The following PRR16 variants were observed in gnomAD, a reference collection of about 807,000 sequenced individuals.
The protein encoded by PRR16 is protein Largen.
In PRR16, 6 loss-of-function variants were observed where a neutral mutation model predicts 18.2. The observed-to-expected ratio is 0.33, with a 90% CI of 0.18 to 0.65. The LOEUF is 0.65. PRR16 is among the 30% of genes least tolerant of loss of function. The pLI is 0.74. For synonymous variants in PRR16, 151 were observed against 147.8 expected, an observed-to-expected ratio of 1.02 and a Z score of -0.16; for missense variants, 412 against 376.6, an observed-to-expected ratio of 1.09 and a Z score of -0.78.
At chr5:120,767,337 G>A in the PRR16 span, among the ~76,000 whole-genome samples, 82 of 151,952 alleles carry the variant, frequency 5.4e-4, no homozygotes, top group East Asian at 9.1e-3. Flanking sequence ...GTTTTGTCAT[G>A]CCCAAATCAA....
intron 1 of PRR16, among the ~76,000 whole-genome samples, chr5:120,469,722 A>C (rs1216966278): frequency 6.6e-6 from 1 of 152,170 alleles, no homozygotes; most frequent in East Asian, 1.9e-4. Flanking sequence ...ACTTTATACC[A>C]CAGTCTACCT....
chr5:120,591,670 A>G (rs1428232006), intron 1 of PRR16, among the ~76,000 whole-genome samples: 4 of 152,108 alleles, frequency 2.6e-5, no homozygotes, highest in Non-Finnish European at 4.4e-5. Flanking sequence ...AATTATTTGT[A>G]TAATTACTTT....
the PRR16 span, among the ~76,000 whole-genome samples, chr5:120,791,040 T>C: frequency 6.6e-6 from 1 of 152,220 alleles, no homozygotes; most frequent in South Asian, 2.1e-4. Flanking sequence ...CACTAAGCAT[T>C]TGTGTTGAAC....
At chr5:120,732,558 C>T in the PRR16 span, among the ~76,000 whole-genome samples, 2 of 152,124 alleles carry the variant, frequency 1.3e-5, no homozygotes, top group African/African-American at 4.8e-5. Context: ...GAAACTATAA[C>T]TATGTTTTTA....
chr5:120,669,961 G>C (rs892791577), intron 1 of PRR16, among the ~76,000 whole-genome samples: 1 of 151,590 alleles, frequency 6.6e-6, no homozygotes, highest in Non-Finnish European at 1.5e-5. Context: ...AAGGTTTTAG[G>C]GTATAATTAC....
the PRR16 span, among the ~76,000 whole-genome samples, chr5:120,768,322 A>C: frequency 1.2e-3 from 176 of 151,904 alleles, 1 homozygote; most frequent in Non-Finnish European, 2.2e-3. Context: ...ATTGTAATTT[A>C]TTCGTTATTT....
chr5:120,674,156 T>C (rs1756713621), intron 1 of PRR16, among the ~76,000 whole-genome samples: 1 of 152,190 alleles, frequency 6.6e-6, no homozygotes, highest in South Asian at 2.1e-4. Context: ...CCATGTGTGG[T>C]ACTGATATGC....
At chr5:120,519,260 A>G (rs182111476) in intron 1 of PRR16, among the ~76,000 whole-genome samples, 1 of 152,276 alleles carries the variant, frequency 6.6e-6, no homozygotes, top group African/African-American at 2.4e-5. Context: ...GTAATGAATA[A>G]TAAATTGTAT....
chr5:120,626,805 G>A (rs1161131813), intron 1 of PRR16, among the ~76,000 whole-genome samples: 1 of 151,972 alleles, frequency 6.6e-6, no homozygotes, highest in East Asian at 1.9e-4. Context: ...TTAACATCTA[G>A]CATAAAAAAT....
intron 1 of PRR16, among the ~76,000 whole-genome samples, chr5:120,545,917 C>T (rs1752060456): frequency 6.6e-6 from 1 of 151,662 alleles, no homozygotes; most frequent in South Asian, 2.1e-4. Flanking sequence ...TAAAATATAC[C>T]CAGAGGCTCT....
intron 1 of PRR16, among the ~76,000 whole-genome samples, chr5:120,535,065 C>T (rs1257204163): frequency 8.0e-6 from 1 of 125,198 alleles, no homozygotes; most frequent in Non-Finnish European, 1.7e-5. Context: ...ATTATTTGAA[C>T]TCACTTTACA....
chr5:120,532,629 A>G (rs1228433729), intron 1 of PRR16, among the ~76,000 whole-genome samples: 1 of 152,118 alleles, frequency 6.6e-6, no homozygotes, highest in African/African-American at 2.4e-5. Flanking sequence ...CTTATAATGT[A>G]CAATATTGCA....
the PRR16 span, among the ~76,000 whole-genome samples, chr5:120,749,847 G>A: frequency 6.6e-6 from 1 of 152,066 alleles, no homozygotes; most frequent in Non-Finnish European, 1.5e-5. Flanking sequence ...GAACCAAAGA[G>A]TATTTTCATG....
chr5:120,481,051 A>G, intron 1 of PRR16: 1 of 1,088,304 alleles, frequency 9.2e-7, no homozygotes, highest in Non-Finnish European at 1.2e-6. Context: ...AATATAAAGT[A>G]CATGGCAGGC....
At chr5:120,734,459 G>T in the PRR16 span, among the ~76,000 whole-genome samples, 1 of 152,066 alleles carries the variant, frequency 6.6e-6, no homozygotes, top group African/African-American at 2.4e-5. Context: ...ATTACATCTA[G>T]AACTTAGTAA....
intron 1 of PRR16, among the ~76,000 whole-genome samples, chr5:120,636,955 A>G (rs141870301): frequency 2.0e-5 from 3 of 152,186 alleles, no homozygotes; most frequent in African/African-American, 7.2e-5. Context: ...AAAAAATCCA[A>G]TCAAAAAGTG....
At chr5:120,594,503 A>G (rs1184901221) in intron 1 of PRR16, among the ~76,000 whole-genome samples, 1 of 152,200 alleles carries the variant, frequency 6.6e-6, no homozygotes, top group African/African-American at 2.4e-5. Flanking sequence ...GATAGGAAGA[A>G]CAAATATTAT....
In PRR16 at chr5:120,686,209, A is replaced by T; in HGVS notation, c.415A>T (p.Arg139Trp). 6.2e-7 allele frequency: 1 copy of T among 1,614,156 alleles called. No homozygotes were observed. The highest frequency in any genetic ancestry group is 2.2e-5 in the East Asian group (1 of 44,876). The change falls in exon 2 of 2, where the codon AGG becomes TGG. Residue 139 changes from arginine (R) to tryptophan (W), a missense_variant. Transcript: ENST00000407149. ...LTPVKCEDPKRVVPTANPVKT... is the reference protein window; with the variant it reads ...LTPVKCEDPKWVVPTANPVKT... ...ACCTGTGAAGTGTGAAGACCCCAAA[A>T]GGGTGGTTCCAACTGCCAATCCTGT...
chr5:120,706,332 G>A, the PRR16 span, among the ~76,000 whole-genome samples: 1 of 6,432 alleles, frequency 1.6e-4, no homozygotes, highest in African/African-American at 2.4e-4. Flanking sequence ...TTTGACTTGG[G>A]GACATATTTT....
Sources: gnomAD v4.1 joint callset for allele counts (sites outside exome capture counted in the v4.1 genomes callset) on GRCh38, gnomAD v4.1.1 for gene constraint, MANE v1.5 for transcripts, NCBI Gene and HGNC (gene_info 2026-07-23, HGNC 2026-07-21) for gene names.